STK32B: variants seen among roughly 807,000 people sequenced by gnomAD.
STK32B encodes the protein serine/threonine kinase 32B.
Under a neutral mutation model 52.6 loss-of-function variants are expected in STK32B, and 43 were observed. That is an observed-to-expected ratio of 0.82 (90% CI 0.64 to 1.05). STK32B has a LOEUF of 1.05. Among genes scored for constraint, STK32B ranks in the 50% least tolerant of loss-of-function variants. STK32B has a pLI of 0.00. For synonymous variants in STK32B, 238 were observed against 204.3 expected, an observed-to-expected ratio of 1.17 and a Z score of -1.41; for missense variants, 621 against 534.6, an observed-to-expected ratio of 1.16 and a Z score of -1.59.
chr4:5,327,838 G>A (rs1731979478), intron 3 of STK32B, among the ~76,000 whole-genome samples: 1 of 152,182 alleles, frequency 6.6e-6, no homozygotes, highest in Non-Finnish European at 1.5e-5. Context: ...CTCCAGCTAT[G>A]AAAGTCCTAA....
intron 3 of STK32B, among the ~76,000 whole-genome samples, chr4:5,218,524 C>T (rs1307367510): frequency 6.6e-6 from 1 of 152,134 alleles, no homozygotes; most frequent in Non-Finnish European, 1.5e-5. Context: ...AGGACTATAG[C>T]CTGAAAGGGG....
At position 5,470,312 on chromosome 4, in the gene STK32B, T is replaced by C. The variant is rs968170802; in HGVS notation, c.1106+2242T>C. On this transcript the variant is annotated intron_variant, in intron 11 of 11. Transcript: ENST00000282908. This position sits in a 1 kb window ranked among gnomAD's most constrained non-coding sequence, Gnocchi z 4.6. The stretch of plus-strand genomic sequence containing the variant: ...ATTTGCAGTCAGCCTATGGACACCA[T>C]TGAGATTTGGCATCGGGGATTGGAA... Among the ~76,000 whole-genome samples, 16 of 152,122 alleles carry C rather than the reference T, an allele frequency of 1.1e-4. No individual in the cohort carries two copies. Among genetic ancestry groups the C allele is most frequent in the African/African-American group, 3.9e-4 (16 of 41,436 alleles).
chr4:5,464,558 C>G (rs1024515910), intron 9 of STK32B, among the ~76,000 whole-genome samples: 1 of 152,242 alleles, frequency 6.6e-6, no homozygotes, highest in Non-Finnish European at 1.5e-5. Flanking sequence ...ATAGAAGGCA[C>G]TAGAAGGCCT....
At position 5,440,186 on chromosome 4, in the gene STK32B, A is replaced by G. The variant is rs577706441; in HGVS notation, c.563-6487A>G. On this transcript the variant is annotated intron_variant, in intron 6 of 11. Coordinates refer to ENST00000282908, the MANE Select transcript of STK32B (RefSeq NM_018401.3). The stretch of plus-strand genomic sequence containing the variant: ...GGGGATGGCATTGAATCTGTAAACT[A>G]CCTTGGGCAGTATGGCCATTTTCAC... Among the ~76,000 whole-genome samples, 3 of 152,276 alleles carry G rather than the reference A, an allele frequency of 2.0e-5. No homozygotes were observed. In the South Asian group the frequency reaches 6.2e-4, roughly 32 times the overall value.
At chr4:5,491,737 C>T (rs78096279) in intron 11 of STK32B, among the ~76,000 whole-genome samples, 54,692 of 150,722 alleles carry the variant, frequency 0.36, 10,474 homozygotes, top group Non-Finnish European at 0.42. Flanking sequence ...CTTTAATCCA[C>T]CTTGAATTAA....
chr4:5,300,929 T>G (rs1729511373), intron 3 of STK32B, among the ~76,000 whole-genome samples: 2 of 151,986 alleles, frequency 1.3e-5, no homozygotes, highest in African/African-American at 4.8e-5. Flanking sequence ...TTACCCATCA[T>G]TCTTCACAAA....
intron 11 of STK32B, among the ~76,000 whole-genome samples, chr4:5,493,805 C>A (rs925433136): frequency 6.6e-6 from 1 of 152,222 alleles, no homozygotes; most frequent in African/African-American, 2.4e-5. Context: ...TTTCAAAGAA[C>A]ATCTTTATTT....
chr4:5,433,681 T>G lies in STK32B; in HGVS notation c.563-12992T>G, dbSNP rs567700328. On this transcript the variant is annotated intron_variant, in intron 6 of 11. Coordinates refer to ENST00000282908, the MANE Select transcript of STK32B (RefSeq NM_018401.3). ...GAGAGCAAACACCTGTGGAAACAGA[T>G]CCTGGAAGGCTGTCAGCTCGCAGGC... Among the ~76,000 whole-genome samples the G allele has an allele frequency of 9.8e-5, 15 of 152,304 alleles. No individual in the cohort carries two copies. In the South Asian group the frequency reaches 2.5e-3, roughly 25 times the overall value.
chr4:5,251,050 C>T (rs1725893552), intron 3 of STK32B, among the ~76,000 whole-genome samples: 1 of 152,102 alleles, frequency 6.6e-6, no homozygotes, highest in African/African-American at 2.4e-5. Context: ...GGGACAGAAG[C>T]TCTTTAGTTT....
intron 4 of STK32B, among the ~76,000 whole-genome samples, chr4:5,354,431 A>G (rs1734043267): frequency 6.6e-6 from 1 of 152,194 alleles, no homozygotes; most frequent in African/African-American, 2.4e-5. Context: ...ACATCCAGCT[A>G]ATTTTTATGT....
chr4:5,371,352 G>A (rs1735228246), intron 4 of STK32B, among the ~76,000 whole-genome samples: 1 of 152,076 alleles, frequency 6.6e-6, no homozygotes, highest in South Asian at 2.1e-4. Flanking sequence ...AGATATGGAG[G>A]GTGATCCAAT....
At chr4:5,307,329 A>G (rs1342217939) in intron 3 of STK32B, among the ~76,000 whole-genome samples, 1 of 152,000 alleles carries the variant, frequency 6.6e-6, no homozygotes, top group East Asian at 1.9e-4. Context: ...GGCTTTGTTC[A>G]TTTTTTTATC....
chr4:5,117,706 A>C (rs1357100060), intron 1 of STK32B, among the ~76,000 whole-genome samples: 1 of 152,118 alleles, frequency 6.6e-6, no homozygotes, highest in Non-Finnish European at 1.5e-5. Context: ...TTTGCTTTTT[A>C]AATAAGTTTA....
At chr4:5,078,455 A>G (rs1440620487) in intron 1 of STK32B, among the ~76,000 whole-genome samples, 1 of 152,198 alleles carries the variant, frequency 6.6e-6, no homozygotes, top group Non-Finnish European at 1.5e-5. Context: ...TTCAAGTAAA[A>G]TGCAAGGCCA....
intron 3 of STK32B, among the ~76,000 whole-genome samples, chr4:5,321,864 C>T (rs1731514308): frequency 6.6e-6 from 1 of 152,040 alleles, no homozygotes; most frequent in African/African-American, 2.4e-5. Flanking sequence ...CATCTTGTCG[C>T]CTTGGTCTAC....
chr4:5,216,522 G>C (rs1723193073), intron 3 of STK32B, among the ~76,000 whole-genome samples: 1 of 152,208 alleles, frequency 6.6e-6, no homozygotes, highest in South Asian at 2.1e-4. Context: ...CTTTCTTGCA[G>C]AAACCTGAAA....
At chr4:5,066,123 T>C (rs1053411348) in intron 1 of STK32B, among the ~76,000 whole-genome samples, 1 of 152,230 alleles carries the variant, frequency 6.6e-6, no homozygotes, top group Non-Finnish European at 1.5e-5. Flanking sequence ...AAAGAATTAT[T>C]ATCTCAAATT....
At chr4:5,426,695 A>AAAAAAAAAAAAC (rs1713133103) in intron 6 of STK32B, among the ~76,000 whole-genome samples, 1 of 143,768 alleles carries the variant, frequency 7.0e-6, no homozygotes, top group Non-Finnish European at 1.5e-5. Flanking sequence ...ATCTAAACAA[A>AAAAAAAAAAAAC]AAAAAAAAAA....
rs1742108740 is a variant in STK32B at position 5,058,860 on chromosome 4, C to T, written c.52+6945C>T. Among the ~76,000 whole-genome samples the T allele has an allele frequency of 6.6e-6, 1 of 152,118 alleles. No homozygotes were observed. Among genetic ancestry groups the T allele is most frequent in the Non-Finnish European group, 1.5e-5 (1 of 68,022 alleles). On this transcript the variant is annotated intron_variant, in intron 1 of 11. Coordinates refer to ENST00000282908, the MANE Select transcript of STK32B (RefSeq NM_018401.3). This position sits in a 1 kb window ranked among gnomAD's most constrained non-coding sequence, Gnocchi z 4.8. ...CTGCCTCCCAGGTTCAAGCGATTCT[C>T]ATGCCTCAGCCTCCCCAGTACCTGG...
Sources: gnomAD v4.1 joint callset for allele counts (sites outside exome capture counted in the v4.1 genomes callset) on GRCh38, gnomAD v4.1.1 for gene constraint, Gnocchi (gnomAD v3.1) non-coding constraint, MANE v1.5 for transcripts, NCBI Gene and HGNC (gene_info 2026-07-23, HGNC 2026-07-21) for gene names.